RIN3: variants seen among roughly 807,000 people sequenced by gnomAD.
RIN3 encodes Ras and Rab interactor 3, also known as RAB5 interacting protein 3.
RIN3 carries 54 observed loss-of-function variants against 76.3 expected under a neutral mutation model. The ratio of observed to expected loss-of-function variants is 0.71; its 90% CI spans 0.57 to 0.89. The LOEUF is 0.89. Among genes scored for constraint, RIN3 ranks in the 40% least tolerant of loss-of-function variants. The pLI is 0.00. For missense variants in RIN3, 1,256 were observed against 1,322.1 expected, an observed-to-expected ratio of 0.95 and a Z score of 0.78; for synonymous variants, 576 against 564.0, an observed-to-expected ratio of 1.02 and a Z score of -0.30.
At chr14:92,584,815 G>A (rs1364501908) in intron 3 of RIN3, among the ~76,000 whole-genome samples, 1 of 152,162 alleles carries the variant, frequency 6.6e-6, no homozygotes, top group Non-Finnish European at 1.5e-5. Context: ...GACAGATTCA[G>A]GTGATGGCGT....
Position 92,688,175 on chromosome 14 carries a change from C to A in RIN3, c.2881C>A (p.Arg961=), listed in dbSNP as rs1274109342. The A allele has an allele frequency of 1.3e-6, 2 of 1,596,948 alleles. No homozygotes were observed. Among genetic ancestry groups the A allele is most frequent in the South Asian group, 2.2e-5 (2 of 90,464 alleles). ...CAAGCGCGACTTCCACTTTGTCTACCGGCCCCTGGACGGTGGTGGCGGCGG... is the reference window on the plus strand; with the variant it reads ...CAAGCGCGACTTCCACTTTGTCTACAGGCCCCTGGACGGTGGTGGCGGCGG... ...EPKRDFHFVY[R]PLDGGGGGGG... The change falls in exon 10 of 10, where the codon CGG becomes AGG. Residue 961 remains arginine, a synonymous_variant. Transcript: ENST00000216487.
intron 7 of RIN3, among the ~76,000 whole-genome samples, chr14:92,661,091 G>C (rs1887865295): frequency 6.6e-6 from 1 of 152,192 alleles, no homozygotes; most frequent in African/African-American, 2.4e-5. Flanking sequence ...TTTACAGAGA[G>C]GATAAAAGAC....
intron 3 of RIN3, among the ~76,000 whole-genome samples, chr14:92,603,679 G>A (rs923262472): frequency 1.3e-5 from 2 of 152,200 alleles, no homozygotes; most frequent in Non-Finnish European, 2.9e-5. Flanking sequence ...GAACACAGGA[G>A]CCACTCAGGC....
At chr14:92,682,800 G>A (rs950738853) in intron 8 of RIN3, among the ~76,000 whole-genome samples, 1 of 152,176 alleles carries the variant, frequency 6.6e-6, no homozygotes, top group Non-Finnish European at 1.5e-5. Flanking sequence ...CCAAATAAAA[G>A]CACAGTTCAA....
intron 4 of RIN3, among the ~76,000 whole-genome samples, chr14:92,629,793 GAA>G (rs1213092259): frequency 6.6e-6 from 1 of 152,266 alleles, no homozygotes; most frequent in African/African-American, 2.4e-5. Context: ...GAGACTGAGA[GAA>G]GTCACTTGCC....
At position 92,644,343 on chromosome 14, in the gene RIN3, A is replaced by G. The variant is rs1457018206; in HGVS notation, c.532+3014A>G. 4.0e-5 allele frequency: 6 copies of G among 151,738 alleles called. No homozygotes were observed. The East Asian group carries it at 1.2e-3, about 29-fold the overall frequency. 9.4% of individuals were successfully genotyped at this position (151,738 alleles called of 1,614,324 possible). ...GTCATCCCTAGGACTAACTGCCGGGAGACTCCCTACAGATTCCTCTCACCT... is the reference window on the plus strand; with the variant it reads ...GTCATCCCTAGGACTAACTGCCGGGGGACTCCCTACAGATTCCTCTCACCT... On this transcript the variant is annotated intron_variant, in intron 5 of 9. Coordinates refer to ENST00000216487, the MANE Select transcript of RIN3 (RefSeq NM_024832.5).
chr14:92,615,153 T>C (rs1885905092), intron 3 of RIN3, among the ~76,000 whole-genome samples: 1 of 152,110 alleles, frequency 6.6e-6, no homozygotes, highest in African/African-American at 2.4e-5. Flanking sequence ...GGTATGTCTT[T>C]ATCAGCAGCT....
chr14:92,599,241 C>T (rs1328699422), intron 3 of RIN3, among the ~76,000 whole-genome samples: 1 of 131,536 alleles, frequency 7.6e-6, no homozygotes, highest in African/African-American at 2.8e-5. Flanking sequence ...AGCCCCCCGC[C>T]CTTGGGGGTG....
chr14:92,605,464 A>G (rs1459074549), intron 3 of RIN3, among the ~76,000 whole-genome samples: 1 of 152,280 alleles, frequency 6.6e-6, no homozygotes, highest in Non-Finnish European at 1.5e-5. Context: ...TGCTTCAAAA[A>G]TAATGATCCT....
At chr14:92,612,919 T>C (rs1595455890) in intron 3 of RIN3, among the ~76,000 whole-genome samples, 1 of 152,164 alleles carries the variant, frequency 6.6e-6, no homozygotes, top group Non-Finnish European at 1.5e-5. Context: ...ACCAAAGCCT[T>C]GTAAGGATGC....
chr14:92,624,008 G>A (rs1371619712), intron 4 of RIN3, among the ~76,000 whole-genome samples: 1 of 152,196 alleles, frequency 6.6e-6, no homozygotes, highest in Non-Finnish European at 1.5e-5. Context: ...GCCCATGCCC[G>A]GTTGGTCAGA....
chr14:92,640,722 CTGCCTGACTGTGCGTTTGCTGGGAGA>C (rs1231357241), intron 4 of RIN3, among the ~76,000 whole-genome samples: 2 of 130,276 alleles, frequency 1.5e-5, no homozygotes, highest in Non-Finnish European at 3.3e-5. Flanking sequence ...TCGTCAGAGG[CTGCCTGACTGTGCGTTTGCTGGGAGA>C]TGCCTGACTG....
Position 92,688,266 on chromosome 14 carries a change from C to T in RIN3, c.*14C>T, listed in dbSNP as rs1888956479. ...AACTTCCTGTGAGGCCCTCCCGGGGCGCCTCCCCTCACCCCCAGGCGCACG... is the reference window on the plus strand; with the variant it reads ...AACTTCCTGTGAGGCCCTCCCGGGGTGCCTCCCCTCACCCCCAGGCGCACG... On this transcript the variant is annotated 3_prime_UTR_variant, in exon 10 of 10. Transcript: ENST00000216487. 1 of 1,550,156 alleles carries T rather than the reference C, an allele frequency of 6.5e-7. No individual in the cohort carries two copies. Among genetic ancestry groups the T allele is most frequent in the Non-Finnish European group, 8.7e-7 (1 of 1,150,040 alleles).
rs1455299831 is a variant in RIN3, at chr14:92,688,961, G to A, written c.*709G>A. ...TGGCAGATTGCAGGAGCCATCGTGT[G>A]GGGAGAATTTAATAAAAGCCCTTTT... On this transcript the variant is annotated 3_prime_UTR_variant, in exon 10 of 10. Transcript: ENST00000216487. 5 of 152,356 alleles carry A rather than the reference G, an allele frequency of 3.3e-5. No individual in the cohort carries two copies. Among genetic ancestry groups the A allele is most frequent in the African/African-American group, 1.2e-4 (5 of 41,470 alleles). The allele number at this position is 152,356 out of a possible 1,614,324, so 9.4% of individuals were successfully genotyped here.
chr14:92,675,090 A>C (rs558821660), intron 7 of RIN3, among the ~76,000 whole-genome samples: 41 of 152,192 alleles, frequency 2.7e-4, no homozygotes, highest in Non-Finnish European at 5.0e-4. Flanking sequence ...AGTTAGAAAA[A>C]TAATTTGATT....
intron 5 of RIN3, among the ~76,000 whole-genome samples, chr14:92,649,024 T>C (rs1468004810): frequency 6.6e-6 from 1 of 152,016 alleles, no homozygotes; most frequent in Non-Finnish European, 1.5e-5. Flanking sequence ...ACTCGGTAGA[T>C]GATGCCAGAG....
chr14:92,639,786 C>T (rs1009292564), intron 4 of RIN3, among the ~76,000 whole-genome samples: 2 of 98,548 alleles, frequency 2.0e-5, no homozygotes, highest in Non-Finnish European at 4.3e-5. Flanking sequence ...TGACCAAAGT[C>T]ATCAGATGGA....
intron 4 of RIN3, among the ~76,000 whole-genome samples, chr14:92,617,182 C>T (rs1046758532): frequency 1.6e-4 from 25 of 151,932 alleles, no homozygotes; most frequent in African/African-American, 5.8e-4. Flanking sequence ...CGCCTGTAAT[C>T]CTAGCTACTC....
At position 92,582,176 on chromosome 14, in the gene RIN3, C is replaced by T. The variant is rs371128153; in HGVS notation, c.367+4699C>T. On this transcript the variant is annotated intron_variant, in intron 3 of 9. Coordinates refer to ENST00000216487, the MANE Select transcript of RIN3 (RefSeq NM_024832.5). ...GGTCAAGCGAAGAATTTTTTCAAGC[C>T]TGAGGGACAAATTGGGTCACTCAGA... Among the ~76,000 whole-genome samples, 175 of 152,282 alleles carry T rather than the reference C, an allele frequency of 1.1e-3. 2 individuals carry two copies. The highest frequency in any genetic ancestry group is 4.0e-3 in the African/African-American group (168 of 41,554).
Sources: gnomAD v4.1 joint callset for allele counts (sites outside exome capture counted in the v4.1 genomes callset) on GRCh38, gnomAD v4.1.1 for gene constraint, MANE v1.5 for transcripts, NCBI Gene and HGNC (gene_info 2026-07-23, HGNC 2026-07-21) for gene names.